The following SHTN1 variants were observed in gnomAD, a reference collection of about 807,000 sequenced individuals.
The protein encoded by SHTN1 is shootin 1, also known as shootin-1.
SHTN1 carries 42 observed loss-of-function variants against 83.1 expected under a neutral mutation model. The ratio of observed to expected loss-of-function variants is 0.51; its 90% confidence interval spans 0.39 to 0.65. The LOEUF (loss-of-function observed/expected upper bound fraction) is 0.65. SHTN1 is among the 30% of genes least tolerant of loss of function. SHTN1 has a pLI of 0.00. For synonymous variants in SHTN1, 224 were observed against 247.7 expected (o/e 0.90, Z 0.90); for missense variants, 622 against 737.8 (o/e 0.84, Z 1.82).
chr10:117,068,814 C>T (rs1853040950), intron 1 of SHTN1, among the ~76,000 whole-genome samples: 1 of 152,116 alleles, frequency 6.6e-6, no homozygotes, highest in East Asian at 1.9e-4. Flanking sequence ...GGATAAGTGA[C>T]ACAAAATGTG....
At chr10:117,122,407 G>A (rs1352547295) in intron 1 of SHTN1, among the ~76,000 whole-genome samples, 2 of 152,218 alleles carry the variant, frequency 1.3e-5, no homozygotes, top group East Asian at 1.9e-4. Context: ...CTCAAACTCT[G>A]GGCTCAAGCG....
At chr10:116,994,951 T>C (rs929812161) in intron 1 of SHTN1, among the ~76,000 whole-genome samples, 6 of 152,074 alleles carry the variant, frequency 3.9e-5, no homozygotes, top group East Asian at 3.9e-4. Flanking sequence ...CTTTGAGTTA[T>C]TATTTGTATG....
chr10:116,938,357 T>C (rs1487525643), intron 9 of SHTN1, among the ~76,000 whole-genome samples: 1 of 152,174 alleles, frequency 6.6e-6, no homozygotes, highest in Non-Finnish European at 1.5e-5. Flanking sequence ...TTTGCATGGA[T>C]GTCCTTTTGT....
chr10:117,101,456 G>C (rs1589932856), intron 1 of SHTN1, among the ~76,000 whole-genome samples: 2 of 152,220 alleles, frequency 1.3e-5, no homozygotes, highest in African/African-American at 4.8e-5. Context: ...AATAGCCAGA[G>C]CCATTGTCCA....
intron 2 of SHTN1, among the ~76,000 whole-genome samples, chr10:117,040,593 G>A (rs1014213416): frequency 1.2e-4 from 18 of 152,180 alleles, no homozygotes; most frequent in Admixed American, 5.2e-4. Flanking sequence ...AAAACTGAGT[G>A]TGAACTATAT....
intron 2 of SHTN1, among the ~76,000 whole-genome samples, chr10:116,970,188 G>C (rs1333124288): frequency 6.6e-6 from 1 of 152,142 alleles, no homozygotes; most frequent in Admixed American, 6.5e-5. Flanking sequence ...ACTGATGGAT[G>C]TGTCAATTGG....
At chr10:117,020,317 C>T (rs966877075) in intron 2 of SHTN1, among the ~76,000 whole-genome samples, 1 of 151,250 alleles carries the variant, frequency 6.6e-6, no homozygotes, top group South Asian at 2.1e-4. Flanking sequence ...CGGTGAAACC[C>T]TGTCTCTAAT....
chr10:117,098,699 T>C (rs552545326), intron 1 of SHTN1, among the ~76,000 whole-genome samples: 1 of 152,230 alleles, frequency 6.6e-6, no homozygotes, highest in South Asian at 2.1e-4. Context: ...CCCAAATTAT[T>C]TGCCACTTAG....
At chr10:117,066,908 A>G (rs1214473557) in intron 1 of SHTN1, among the ~76,000 whole-genome samples, 3 of 152,220 alleles carry the variant, frequency 2.0e-5, no homozygotes, top group Non-Finnish European at 4.4e-5. Context: ...AAGGAGTAAG[A>G]AATGGATACT....
At chr10:117,022,485 A>G (rs965882183) in intron 2 of SHTN1, among the ~76,000 whole-genome samples, 12 of 152,176 alleles carry the variant, frequency 7.9e-5, no homozygotes, top group African/African-American at 2.4e-4. Flanking sequence ...GATTATGCCA[A>G]TACATCAAAG....
intron 4 of SHTN1, 21 bp downstream of exon 4, chr10:116,960,115 T>C: frequency 6.9e-7 from 1 of 1,452,822 alleles, no homozygotes; most frequent in South Asian, 1.1e-5. Flanking sequence ...TCAGGTAAAA[T>C]TCCTTCATTT....
intron 3 of SHTN1, among the ~76,000 whole-genome samples, chr10:116,966,450 AAAGGTAAAAAC>A (rs1850400678): frequency 6.6e-6 from 1 of 152,256 alleles, no homozygotes; most frequent in Non-Finnish European, 1.5e-5. Context: ...GACACTTAGT[AAAGGTAAAAAC>A]TAAATGCATA....
In SHTN1 at chr10:116,954,122, A is replaced by G; in HGVS notation, c.356T>C (p.Ile119Thr). The part of the protein sequence containing the change: ...GPDVITEEIN[I>T]DDEDSTTDTD... ...GTCTGTAGTCGAATCTTCATCATCA[A>G]TGTTTATCTCTTCAGTTATTACATC... Residue 119 changes from isoleucine to threonine, a missense_variant, in exon 5 of 17, where the codon ATT becomes ACT. By Grantham distance (89) the Ile-to-Thr change is moderately conservative (BLOSUM62 -1). Transcript: ENST00000355371. 2 of 1,613,900 alleles carry G rather than the reference A, an allele frequency of 1.2e-6. No individual in the cohort carries two copies. Among genetic ancestry groups the G allele is most frequent in the Non-Finnish European group, 1.7e-6 (2 of 1,179,864 alleles).
At chr10:116,943,538 A>G (rs2133402927) in intron 8 of SHTN1, among the ~76,000 whole-genome samples, 1 of 152,314 alleles carries the variant, frequency 6.6e-6, no homozygotes, top group African/African-American at 2.4e-5. Flanking sequence ...GACACACTTC[A>G]ATTCTTTTTT....
At chr10:116,937,749 A>G (rs1000893279) in intron 9 of SHTN1, among the ~76,000 whole-genome samples, 2 of 152,070 alleles carry the variant, frequency 1.3e-5, no homozygotes, top group Non-Finnish European at 2.9e-5. Context: ...TAATATCCTG[A>G]AAAGTGTTTT....
At chr10:117,054,038 G>C (rs1852789423) in intron 1 of SHTN1, among the ~76,000 whole-genome samples, 1 of 152,112 alleles carries the variant, frequency 6.6e-6, no homozygotes, top group African/African-American at 2.4e-5. Flanking sequence ...ATATCGAGTA[G>C]GAAAATTCAC....
chr10:116,942,359 C>T (rs916742646), intron 8 of SHTN1, among the ~76,000 whole-genome samples: 1 of 151,916 alleles, frequency 6.6e-6, no homozygotes, highest in Non-Finnish European at 1.5e-5. Context: ...ACTACAGGTG[C>T]CTGCCACCAT....
intron 9 of SHTN1, among the ~76,000 whole-genome samples, chr10:116,936,960 T>C (rs1454446349): frequency 6.6e-6 from 1 of 152,218 alleles, no homozygotes; most frequent in Non-Finnish European, 1.5e-5. Context: ...TTTAAGTCTG[T>C]TTTATCAGAG....
intron 1 of SHTN1, among the ~76,000 whole-genome samples, chr10:117,109,981 C>T (rs1426805752): frequency 6.6e-6 from 1 of 152,072 alleles, no homozygotes; most frequent in Non-Finnish European, 1.5e-5. Flanking sequence ...TTATTTCCAC[C>T]TTCTAGATGG....
Sources: gnomAD v4.1 joint callset for allele counts (sites outside exome capture counted in the v4.1 genomes callset) on GRCh38, gnomAD v4.1.1 for gene constraint, MANE v1.5 for transcripts, NCBI Gene and HGNC (gene_info 2026-07-23, HGNC 2026-07-21) for gene names.